Variants in PHF14 observed in about 807,000 individuals in gnomAD.
The protein encoded by PHF14 is PHD finger protein 14.
Under a neutral mutation model 117.9 loss-of-function variants are expected in PHF14, and 55 were observed. That is an observed-to-expected ratio of 0.47 (90% CI 0.38 to 0.58). PHF14 has a LOEUF of 0.58. Among genes scored for constraint, PHF14 ranks in the 20% least tolerant of loss-of-function variants. The pLI, the probability that PHF14 is intolerant of heterozygous loss-of-function variation, is 0.00. For missense variants in PHF14, 978 were observed against 1,122.2 expected, an observed-to-expected ratio of 0.87 and a Z score of 1.84; for synonymous variants, 409 against 368.6, an observed-to-expected ratio of 1.11 and a Z score of -1.26.
At chr7:10,974,440 C>T in intron 1 of PHF14, 116 bp downstream of exon 1, 1 of 868,730 alleles carries the variant, frequency 1.2e-6, no homozygotes, top group Non-Finnish European at 1.9e-6. Context: ...GATTGGTGGA[C>T]CCTCGCCCTC....
intron 16 of PHF14, among the ~76,000 whole-genome samples, chr7:11,066,993 T>G (rs546256834): frequency 9.8e-5 from 15 of 152,290 alleles, no homozygotes; most frequent in East Asian, 3.9e-4. Flanking sequence ...TTAAAAACTT[T>G]TGTGTGTGAA....
chr7:11,108,698 T>C (rs1266457227), intron 16 of PHF14: 1 of 151,760 alleles, frequency 6.6e-6, no homozygotes, highest in African/African-American at 2.4e-5. Flanking sequence ...TGAAAGATAA[T>C]TTAATTGTAC....
At position 11,036,485 on chromosome 7, in the gene PHF14, A is replaced by G; in HGVS notation, c.1670A>G (p.Gln557Arg). Reference protein sequence around the residue: ...KAELARSTRPQAWVPREKLPR... With the variant: ...KAELARSTRPRAWVPREKLPR... ...GAACTAGCTCGATCTACCAGACCCC[A>G]GGCCTGGGTTCCAAGGGAAAAATTG... The change falls in exon 9 of 18, where the codon CAG becomes CGG. Residue 557 changes from glutamine to arginine, a missense_variant. Physicochemically the swap from Gln to Arg is conservative, Grantham distance 43. Transcript: ENST00000634607. 1 of 1,613,536 alleles carries G rather than the reference A, an allele frequency of 6.2e-7. No homozygotes were observed. The highest frequency in any genetic ancestry group is 8.5e-7 in the Non-Finnish European group (1 of 1,179,464).
At chr7:11,106,793 C>T in intron 16 of PHF14, 1 of 984,440 alleles carries the variant, frequency 1.0e-6, no homozygotes. Flanking sequence ...GTTGGAAAAT[C>T]CAACCCATCA....
chr7:11,128,204 A>C (rs901012863), intron 17 of PHF14, among the ~76,000 whole-genome samples: 1 of 151,988 alleles, frequency 6.6e-6, no homozygotes, highest in Non-Finnish European at 1.5e-5. Flanking sequence ...ATCTTTTGTG[A>C]TCTCCTTATC....
At chr7:11,005,100 G>GT (rs552529336) in intron 4 of PHF14, among the ~76,000 whole-genome samples, 1,799 of 149,292 alleles carry the variant, frequency 0.012, 16 homozygotes, top group Middle Eastern at 0.045. Flanking sequence ...AATTTTAAAG[G>GT]TTTTTTTTTT....
chr7:11,090,803 A>G (rs1484406613), intron 16 of PHF14, among the ~76,000 whole-genome samples: 1 of 152,244 alleles, frequency 6.6e-6, no homozygotes, highest in Non-Finnish European at 1.5e-5. Context: ...TCATAGGATA[A>G]TGGGATCATT....
At chr7:11,071,106 A>T (rs1181658814) in intron 16 of PHF14, among the ~76,000 whole-genome samples, 1 of 152,242 alleles carries the variant, frequency 6.6e-6, no homozygotes, top group Admixed American at 6.5e-5. Context: ...GGAGATCTCA[A>T]CTAGTTTAAG....
chr7:11,056,830 T>C (rs1361263441), intron 14 of PHF14, among the ~76,000 whole-genome samples: 1 of 149,230 alleles, frequency 6.7e-6, no homozygotes, highest in Non-Finnish European at 1.5e-5. Context: ...TATATTTTTA[T>C]ATATTAGAAT....
chr7:11,038,685 G>T, intron 10 of PHF14, 75 bp from the exon 11 acceptor site: 1 of 470,030 alleles, frequency 2.1e-6, no homozygotes, highest in East Asian at 4.2e-5. Context: ...ATATATATAT[G>T]TGGAATAGAA....
intron 7 of PHF14, among the ~76,000 whole-genome samples, chr7:11,030,702 G>T (rs1396798786): frequency 1.3e-5 from 2 of 152,112 alleles, no homozygotes; most frequent in Non-Finnish European, 2.9e-5. Context: ...CATCTTCCTT[G>T]CCTTGCTGTG....
intron 16 of PHF14, among the ~76,000 whole-genome samples, chr7:11,064,422 T>C (rs1314048744): frequency 6.6e-6 from 1 of 151,972 alleles, no homozygotes; most frequent in African/African-American, 2.4e-5. Context: ...TCTACAGATA[T>C]ATTTCAGCGC....
chr7:11,075,505 C>T (rs12154295), intron 16 of PHF14, among the ~76,000 whole-genome samples: 1 of 147,396 alleles, frequency 6.8e-6, no homozygotes, highest in African/African-American at 2.5e-5. Flanking sequence ...GCATCAGATT[C>T]TTAACTAGCT....
intron 16 of PHF14, among the ~76,000 whole-genome samples, chr7:11,097,067 C>T (rs1786902295): frequency 6.7e-6 from 1 of 149,296 alleles, no homozygotes; most frequent in African/African-American, 2.5e-5. Flanking sequence ...GCAACCTCTG[C>T]CTCCCAGGTT....
chr7:11,010,615 A>G (rs180967232), intron 4 of PHF14, among the ~76,000 whole-genome samples: 3 of 152,222 alleles, frequency 2.0e-5, no homozygotes, highest in Admixed American at 6.5e-5. Flanking sequence ...TTAACATAGT[A>G]TATATGAAAT....
chr7:11,119,143 ATAAT>A (rs1055417864), intron 17 of PHF14, among the ~76,000 whole-genome samples: 8 of 152,080 alleles, frequency 5.3e-5, no homozygotes, highest in East Asian at 3.9e-4. Context: ...CATAACTGAG[ATAAT>A]TAATCAAAGT....
chr7:11,006,805 G>A, intron 4 of PHF14: 1 of 801,974 alleles, frequency 1.2e-6, no homozygotes, highest in African/African-American at 1.7e-5. Context: ...TCTTGGCCTT[G>A]AAAGCCTTCG....
intron 16 of PHF14, among the ~76,000 whole-genome samples, chr7:11,079,202 CTA>C (rs1785983937): frequency 6.6e-6 from 1 of 152,158 alleles, no homozygotes; most frequent in Non-Finnish European, 1.5e-5. Context: ...TAATTCTGCT[CTA>C]TGTCTCTAGA....
chr7:11,131,271 T>C (rs998105079), intron 17 of PHF14, among the ~76,000 whole-genome samples: 2 of 151,940 alleles, frequency 1.3e-5, no homozygotes, highest in Non-Finnish European at 2.9e-5. Flanking sequence ...CAGTACCATT[T>C]TGCATTTCAT....
Sources: allele counts gnomAD v4.1 joint callset (sites outside exome capture counted in the v4.1 genomes callset), GRCh38; gene constraint gnomAD v4.1.1; transcripts MANE v1.5; gene names NCBI Gene and HGNC (gene_info 2026-07-23, HGNC 2026-07-21).